CDA: variants seen among roughly 807,000 people sequenced by gnomAD.
CDA encodes the protein cytidine aminohydrolase.
Under a neutral mutation model 15.0 loss-of-function variants are expected in CDA, and 7 were observed. The ratio of observed to expected loss-of-function variants is 0.47; its 90% CI spans 0.26 to 0.87. The LOEUF (loss-of-function observed/expected upper bound fraction) is 0.87. CDA is among the 40% of genes least tolerant of loss of function. CDA has a pLI of 0.15. For synonymous variants in CDA, 58 were observed against 73.0 expected, an observed-to-expected ratio of 0.79 and a Z score of 1.05; for missense variants, 159 against 182.7, an observed-to-expected ratio of 0.87 and a Z score of 0.75.
rs1360404663 is a variant in CDA, at chr1:20,605,910, T to C, written c.266+871T>C. ...ATTATCACAGTGTTGTACCATTGGATTCTCTTGGCTTACTTATAGGTTCTG... is the reference window on the plus strand; with the variant it reads ...ATTATCACAGTGTTGTACCATTGGACTCTCTTGGCTTACTTATAGGTTCTG... On this transcript the variant is annotated intron_variant, in intron 2 of 3. Transcript: ENST00000375071. Among the ~76,000 whole-genome samples, 3 of 126,044 alleles carry C rather than the reference T, an allele frequency of 2.4e-5. 1 individual carries two copies. Among genetic ancestry groups the C allele is most frequent in the Non-Finnish European group, 5.3e-5 (3 of 56,666 alleles). 82.7% of individuals were successfully genotyped at this position (126,044 alleles called of 152,430 possible). A position where few individuals can be genotyped will look rare whatever the true frequency, so the allele number is the denominator to read the frequency against.
At chr1:20,611,042 C>T (rs2052745369) in intron 2 of CDA, among the ~76,000 whole-genome samples, 1 of 152,160 alleles carries the variant, frequency 6.6e-6, no homozygotes, top group Non-Finnish European at 1.5e-5. Context: ...AAGTTCAAGA[C>T]CAGCCTGGGC....
In CDA at chr1:20,609,661, C is replaced by T. The variant is rs115255706; in HGVS notation, c.267-4181C>T. Among the ~76,000 whole-genome samples, 654 of 152,316 alleles carry T rather than the reference C, an allele frequency of 4.3e-3. 6 individuals are homozygous for T. The highest frequency in any genetic ancestry group is 0.015 in the African/African-American group (614 of 41,562). ...TTTATCTCCCCCTCCAGAGGGTAAG[C>T]TCCAGGAATTGTCCGATTGGTCTTT... On this transcript the variant is annotated intron_variant, in intron 2 of 3. Coordinates refer to ENST00000375071, the MANE Select transcript of CDA (RefSeq NM_001785.3).
intron 2 of CDA, among the ~76,000 whole-genome samples, chr1:20,605,318 C>T (rs920210253): frequency 6.6e-6 from 1 of 152,080 alleles, no homozygotes; most frequent in African/African-American, 2.4e-5. Context: ...GTGATACAGA[C>T]TCCTGTCCTA....
At position 20,618,627 on chromosome 1, in the gene CDA, C is replaced by T. The variant is rs1490766278; in HGVS notation, c.*59C>T. On this transcript the variant is annotated 3_prime_UTR_variant, in exon 4 of 4. Transcript: ENST00000375071. ...CCTGGAGAACTTCATAAAGATGTCT[C>T]ACAGCCCTGGGGACACCTGCCCAGT... The T allele has an allele frequency of 1.9e-6, 2 of 1,054,578 alleles. No homozygotes were observed. The highest frequency in any genetic ancestry group is 1.7e-5 in the Admixed American group (1 of 59,282). 65.3% of individuals were successfully genotyped at this position (1,054,578 alleles called of 1,614,324 possible).
intron 2 of CDA, among the ~76,000 whole-genome samples, chr1:20,609,697 T>C (rs958176563): frequency 3.9e-5 from 6 of 152,162 alleles, no homozygotes; most frequent in Admixed American, 3.3e-4. Flanking sequence ...GTTGCTCCTT[T>C]CCCATGCCTG....
At chr1:20,594,180 A>C (rs1162316215) in intron 1 of CDA, among the ~76,000 whole-genome samples, 15 of 152,250 alleles carry the variant, frequency 9.9e-5, no homozygotes, top group Non-Finnish European at 1.5e-5. Context: ...CCAATTCAAA[A>C]GCAGGCCTGG....
intron 3 of CDA, among the ~76,000 whole-genome samples, chr1:20,617,607 T>C (rs1160639408): frequency 6.6e-6 from 1 of 152,164 alleles, no homozygotes; most frequent in East Asian, 1.9e-4. Flanking sequence ...GACATCCCTT[T>C]GCTCTTCCTT....
At chr1:20,605,307 C>A (rs1035836807) in intron 2 of CDA, among the ~76,000 whole-genome samples, 1 of 152,010 alleles carries the variant, frequency 6.6e-6, no homozygotes, top group African/African-American at 2.4e-5. Context: ...AGCAACACAA[C>A]GTGATACAGA....
In CDA at chr1:20,604,977, G is replaced by A. The variant is rs2154532390; in HGVS notation, c.204G>A (p.Arg68=). The A allele has an allele frequency of 6.2e-7, 1 of 1,614,002 alleles. No individual in the cohort carries two copies. Among genetic ancestry groups the A allele is most frequent in the Non-Finnish European group, 8.5e-7 (1 of 1,179,968 alleles). ...ACCCGCTGGGCATCTGTGCTGAACG[G>A]ACCGCTATCCAGAAGGCCGTCTCAG... ...ACYPLGICAE[R]TAIQKAVSEG... Residue 68 remains arginine (R), a synonymous_variant, in exon 2 of 4, where the codon CGG becomes CGA. Transcript: ENST00000375071.
At chr1:20,597,358 G>A (rs891072553) in intron 1 of CDA, among the ~76,000 whole-genome samples, 9 of 152,286 alleles carry the variant, frequency 5.9e-5, no homozygotes, top group African/African-American at 1.9e-4. Context: ...GGAGAATGGC[G>A]TGAACCTGGG....
Position 20,589,204 on chromosome 1 carries a change from C to G in CDA, c.75C>G (p.Ala25=). The G allele has an allele frequency of 1.2e-6, 2 of 1,613,836 alleles. No homozygotes were observed. The highest frequency in any genetic ancestry group is 8.5e-7 in the Non-Finnish European group (1 of 1,179,762). ...VQQLLVCSQE[A]KKSAYCPYSH... ...AGCTGCTGGTTTGCTCCCAGGAGGC[C>G]AAGAAGTCAGCCTACTGCCCCTACA... Residue 25 remains alanine, a synonymous_variant, in exon 1 of 4, where the codon GCC becomes GCG. Transcript: ENST00000375071.
chr1:20,613,071 G>A (rs1199234391), intron 2 of CDA, among the ~76,000 whole-genome samples: 1 of 151,834 alleles, frequency 6.6e-6, no homozygotes, highest in East Asian at 1.9e-4. Flanking sequence ...GCATACAGTA[G>A]ACATTCACTA....
At chr1:20,591,849 G>GTT (rs397966736) in intron 1 of CDA, among the ~76,000 whole-genome samples, 13,756 of 118,070 alleles carry the variant, frequency 0.12, 724 homozygotes, top group Non-Finnish European at 0.13. Context: ...GTTTTTTTTT[G>GTT]TTTTTTTTTT....
chr1:20,602,605 G>C (rs768733178), intron 1 of CDA, among the ~76,000 whole-genome samples: 2 of 152,040 alleles, frequency 1.3e-5, no homozygotes, highest in South Asian at 4.1e-4. Flanking sequence ...TGTATTTTTA[G>C]TAGACAGGGT....
At chr1:20,597,723 C>T (rs2052602786) in intron 1 of CDA, among the ~76,000 whole-genome samples, 1 of 152,144 alleles carries the variant, frequency 6.6e-6, no homozygotes, top group Non-Finnish European at 1.5e-5. Context: ...AGCACCATCC[C>T]AATCTCTCTC....
rs1357567371 is a variant in CDA at position 20,613,995 on chromosome 1, C to T, written c.324+96C>T. The T allele has an allele frequency of 9.9e-6, 11 of 1,108,706 alleles. No individual in the cohort carries two copies. The East Asian group carries it at 1.2e-4, about 12-fold the overall frequency. 68.7% of individuals were successfully genotyped at this position (1,108,706 alleles called of 1,614,324 possible). A position where few individuals can be genotyped will look rare whatever the true frequency, so the allele number is the denominator to read the frequency against. ...TTGCAGGCATGGCAGGCATGGCAGGCGTGGAGACACAGCTACTGTCCTGTT... is the reference window on the plus strand; with the variant it reads ...TTGCAGGCATGGCAGGCATGGCAGGTGTGGAGACACAGCTACTGTCCTGTT... On this transcript the variant is annotated intron_variant, in intron 3 of 3. Coordinates refer to ENST00000375071, the MANE Select transcript of CDA (RefSeq NM_001785.3).
chr1:20,605,046 G>T lies in CDA; in HGVS notation c.266+7G>T. On this transcript the variant is annotated splice_region_variant and intron_variant, in intron 2 of 3. Coordinates refer to ENST00000375071, the MANE Select transcript of CDA (RefSeq NM_001785.3). ...GGGCAATTGCTATCGCCAGGTGAGT[G>T]GGAAAGCCAGGTTGCAACAATATTC... The T allele has an allele frequency of 6.5e-7, 1 of 1,537,832 alleles. No individual in the cohort carries two copies. Among genetic ancestry groups the T allele is most frequent in the South Asian group, 1.1e-5 (1 of 89,126 alleles).
intron 1 of CDA, among the ~76,000 whole-genome samples, chr1:20,604,604 G>C (rs562146359): frequency 6.6e-6 from 1 of 152,020 alleles, no homozygotes; most frequent in Non-Finnish European, 1.5e-5. Context: ...TGTAAGCCTC[G>C]GGATCTACCC....
At chr1:20,608,520 A>G (rs905686378) in intron 2 of CDA, among the ~76,000 whole-genome samples, 1 of 152,082 alleles carries the variant, frequency 6.6e-6, no homozygotes, top group African/African-American at 2.4e-5. Context: ...AGCGATTCTC[A>G]TGCTTCAGCC....
Sources: allele counts gnomAD v4.1 joint callset (sites outside exome capture counted in the v4.1 genomes callset), GRCh38; gene constraint gnomAD v4.1.1; transcripts MANE v1.5; gene names NCBI Gene and HGNC (gene_info 2026-07-23, HGNC 2026-07-21).